The following AIG1 variants were observed in gnomAD, a reference collection of about 807,000 sequenced individuals.
AIG1 encodes the protein androgen-induced gene 1 protein.
AIG1 carries 23 observed loss-of-function variants against 31.4 expected under a neutral mutation model. The observed-to-expected ratio is 0.73, with a 90% CI of 0.53 to 1.04. The LOEUF is 1.04. Ranked by LOEUF, AIG1 falls within the 50% of genes least tolerant of loss-of-function variation. AIG1 has a pLI of 0.00. For synonymous variants in AIG1, 100 were observed against 110.5 expected (o/e 0.90, Z 0.60); for missense variants, 274 against 295.0 (o/e 0.93, Z 0.52).
intron 1 of AIG1, among the ~76,000 whole-genome samples, chr6:143,123,383 A>G (rs1020089711): frequency 6.6e-6 from 1 of 152,190 alleles, no homozygotes; most frequent in Admixed American, 6.5e-5. Context: ...GCCTGAGAAT[A>G]GATTGAGATA....
At chr6:143,236,617 C>T (rs113852683) in intron 3 of AIG1, among the ~76,000 whole-genome samples, 3,110 of 152,270 alleles carry the variant, frequency 0.02, 48 homozygotes, top group Non-Finnish European at 0.033. Context: ...AGCTGGCAAC[C>T]GTGGGGTTCC....
intron 1 of AIG1, among the ~76,000 whole-genome samples, chr6:143,116,849 C>T (rs1030324929): frequency 6.6e-6 from 1 of 151,826 alleles, no homozygotes; most frequent in African/African-American, 2.4e-5. Flanking sequence ...AGCATTTTCA[C>T]TTAACACCCT....
chr6:143,103,973 T>G (rs1402839072), intron 1 of AIG1, among the ~76,000 whole-genome samples: 1 of 152,160 alleles, frequency 6.6e-6, no homozygotes, highest in Non-Finnish European at 1.5e-5. Context: ...TGGAAGGAAT[T>G]GACAATGTTT....
At chr6:143,337,398 A>G (rs532531027) in intron 5 of AIG1, among the ~76,000 whole-genome samples, 2 of 152,130 alleles carry the variant, frequency 1.3e-5, no homozygotes, top group Non-Finnish European at 2.9e-5. Flanking sequence ...TAATTTCGTT[A>G]GCACATGGCT....
chr6:143,188,515 T>A, intron 3 of AIG1: 2 of 985,352 alleles, frequency 2.0e-6, no homozygotes, highest in Non-Finnish European at 2.4e-6. Context: ...CTGCCTACTA[T>A]AACCCTGGCA....
chr6:143,163,149 G>A (rs918060706), intron 2 of AIG1, among the ~76,000 whole-genome samples: 1 of 152,180 alleles, frequency 6.6e-6, no homozygotes, highest in Non-Finnish European at 1.5e-5. Flanking sequence ...ATCATGGGGC[G>A]GGGTAGTACT....
rs1279542802 is a variant in AIG1, at chr6:143,284,670, T to C, written c.515+445T>C. Among the ~76,000 whole-genome samples the C allele has an allele frequency of 6.6e-6, 1 of 152,160 alleles. No homozygotes were observed. The highest frequency in any genetic ancestry group is 1.5e-5 in the Non-Finnish European group (1 of 68,034). On this transcript the variant is annotated intron_variant, in intron 4 of 5. Coordinates refer to ENST00000357847, the MANE Select transcript of AIG1 (RefSeq NM_016108.4). This position sits in a 1 kb window ranked among gnomAD's most constrained non-coding sequence, Gnocchi z 4.4. ...AAGTGAAAATGTATGTTTTCCCTGG[T>C]CCATTTAAAACCTACTCCAGAATTA...
chr6:143,122,872 G>T (rs1258663461), intron 1 of AIG1, among the ~76,000 whole-genome samples: 1 of 151,942 alleles, frequency 6.6e-6, no homozygotes, highest in Admixed American at 6.6e-5. Flanking sequence ...AAGCACCCTT[G>T]TTTTCTCTCC....
At chr6:143,170,067 G>T (rs1292004884) in intron 3 of AIG1, among the ~76,000 whole-genome samples, 1 of 151,986 alleles carries the variant, frequency 6.6e-6, no homozygotes, top group Non-Finnish European at 1.5e-5. Context: ...TTCTGTCCTT[G>T]TCTGATTTTG....
intron 3 of AIG1, among the ~76,000 whole-genome samples, chr6:143,208,435 CAAATA>C (rs1791299596): frequency 6.6e-6 from 1 of 151,972 alleles, no homozygotes; most frequent in Non-Finnish European, 1.5e-5. Context: ...TAAATACATA[CAAATA>C]AAAGAAGGAA....
intron 1 of AIG1, among the ~76,000 whole-genome samples, chr6:143,118,632 T>A (rs959687762): frequency 2.0e-5 from 3 of 152,186 alleles, no homozygotes; most frequent in Admixed American, 2.0e-4. Flanking sequence ...CACTTATGTG[T>A]AGAGAACTTT....
intron 3 of AIG1, among the ~76,000 whole-genome samples, chr6:143,281,538 T>C (rs1797340739): frequency 6.6e-6 from 1 of 152,222 alleles, no homozygotes; most frequent in South Asian, 2.1e-4. Context: ...TTATCTCTCT[T>C]GCTGCTATAG....
intron 1 of AIG1, among the ~76,000 whole-genome samples, chr6:143,129,839 A>G (rs1334806111): frequency 4.0e-5 from 6 of 151,628 alleles, no homozygotes; most frequent in African/African-American, 1.5e-4. Flanking sequence ...AGGTACATCT[A>G]TATTTAAGAT....
At chr6:143,318,790 A>G (rs1402466212) in intron 4 of AIG1, among the ~76,000 whole-genome samples, 2 of 152,100 alleles carry the variant, frequency 1.3e-5, no homozygotes, top group African/African-American at 4.8e-5. Context: ...AAGGAAAAAA[A>G]AAAATCCCAT....
At chr6:143,104,168 G>A (rs980061785) in intron 1 of AIG1, among the ~76,000 whole-genome samples, 1 of 152,080 alleles carries the variant, frequency 6.6e-6, no homozygotes, top group Admixed American at 6.5e-5. Context: ...GTCCCTCTTT[G>A]GGACCTTTTT....
chr6:143,308,676 C>T (rs1381258808), intron 4 of AIG1, among the ~76,000 whole-genome samples: 1 of 152,198 alleles, frequency 6.6e-6, no homozygotes, highest in Non-Finnish European at 1.5e-5. Flanking sequence ...TTCTGGTATT[C>T]AGTCCTACCA....
chr6:143,232,440 C>A lies in AIG1; in HGVS notation c.400-51670C>A, dbSNP rs75637672. On this transcript the variant is annotated intron_variant, in intron 3 of 5. Transcript: ENST00000357847. Reference sequence around the variant, plus strand: ...CCTCCACCAAACCATGGTGCACAGGCAGTACACCATCACCAAATGCATGTG... The same window carrying A: ...CCTCCACCAAACCATGGTGCACAGGAAGTACACCATCACCAAATGCATGTG... Among the ~76,000 whole-genome samples, 650 of 152,246 alleles carry A rather than the reference C, an allele frequency of 4.3e-3. 16 individuals are homozygous for A. The highest frequency in any genetic ancestry group is 0.022 in the East Asian group (114 of 5,166).
At chr6:143,151,581 T>A (rs1187824516) in intron 2 of AIG1, among the ~76,000 whole-genome samples, 1 of 152,178 alleles carries the variant, frequency 6.6e-6, no homozygotes, top group East Asian at 1.9e-4. Context: ...GGTGTCCTAG[T>A]GTGCTAGGAA....
At chr6:143,146,483 CT>C (rs1221177329) in intron 2 of AIG1, among the ~76,000 whole-genome samples, 4 of 152,036 alleles carry the variant, frequency 2.6e-5, no homozygotes, top group Non-Finnish European at 4.4e-5. Flanking sequence ...TCACTCCCCC[CT>C]CTTTCCCTCT....
Sources: allele counts gnomAD v4.1 joint callset (sites outside exome capture counted in the v4.1 genomes callset), GRCh38; gene constraint gnomAD v4.1.1; non-coding constraint Gnocchi (gnomAD v3.1); transcripts MANE v1.5; gene names NCBI Gene and HGNC (gene_info 2026-07-23, HGNC 2026-07-21).